Variants in TNKS observed in about 807,000 individuals in gnomAD.
The protein encoded by TNKS is poly [ADP-ribose] polymerase tankyrase-1.
In TNKS, 72 loss-of-function variants were observed where a neutral mutation model predicts 135.8. The observed-to-expected ratio is 0.53, with a 90% CI of 0.44 to 0.64. TNKS has a LOEUF of 0.64. TNKS is among the 30% of genes least tolerant of loss of function. The probability of loss-of-function intolerance (pLI) is 0.00; values close to 1 mark genes in which losing one functional copy is unlikely to be tolerated. For missense variants in TNKS, 1,769 were observed against 1,674.0 expected (o/e 1.06, Z -0.99); for synonymous variants, 849 against 649.3 (o/e 1.31, Z -4.68).
intron 12 of TNKS, among the ~76,000 whole-genome samples, chr8:9,723,100 T>G (rs1804977557): frequency 6.6e-6 from 1 of 151,392 alleles, no homozygotes; most frequent in Non-Finnish European, 1.5e-5. Context: ...TTTATTGATC[T>G]GGAAAGCTAA....
intron 3 of TNKS, among the ~76,000 whole-genome samples, chr8:9,678,136 C>G (rs377730435): frequency 6.6e-6 from 1 of 152,132 alleles, no homozygotes; most frequent in Non-Finnish European, 1.5e-5. Flanking sequence ...GTGTCTTTCG[C>G]GTTAAAATCT....
chr8:9,679,016 A>T (rs1332948826), intron 3 of TNKS, among the ~76,000 whole-genome samples: 1 of 152,286 alleles, frequency 6.6e-6, no homozygotes, highest in East Asian at 1.9e-4. Context: ...TTGTCCTTCA[A>T]TTGAGCTTGC....
chr8:9,726,620 TCTTTC>T lies in TNKS; in HGVS notation c.1922-17_1922-13del, dbSNP rs1335438430. Reference sequence around the variant, plus strand: ...TATGAGTTTGGATATATATATGAGTTCTTTCCTTCCTTTTATGCAGAGAGTACACC... The same window carrying T: ...TATGAGTTTGGATATATATATGAGTTCTTCCTTTTATGCAGAGAGTACACC... On this transcript the variant is annotated splice_polypyrimidine_tract_variant and intron_variant, in intron 12 of 26. Transcript: ENST00000310430. 1.3e-6 allele frequency: 2 copies of T among 1,578,324 alleles called. No individual in the cohort carries two copies. Among genetic ancestry groups the T allele is most frequent in the African/African-American group, 2.7e-5 (2 of 73,692 alleles).
At chr8:9,725,697 C>T (rs1402406326) in intron 12 of TNKS, among the ~76,000 whole-genome samples, 1 of 152,172 alleles carries the variant, frequency 6.6e-6, no homozygotes, top group African/African-American at 2.4e-5. Flanking sequence ...AAATGTAGGC[C>T]TCCTGGAGAT....
rs539067414 is a variant in TNKS, at chr8:9,573,513, T to C, written c.674-6646T>C. ...TTAGATGTATGTATGAAGAAACCTT[T>C]AGGCCTAACCTTAAATATGTAAGGA... On this transcript the variant is annotated intron_variant, in intron 1 of 26. Coordinates refer to ENST00000310430, the MANE Select transcript of TNKS (RefSeq NM_003747.3). 5.6e-4 allele frequency among the ~76,000 whole-genome samples: 85 copies of C among 152,304 alleles called. 1 individual carries two copies. The South Asian group carries it at 0.017, about 31-fold the overall frequency.
At chr8:9,628,319 C>G (rs1170719069) in intron 3 of TNKS, among the ~76,000 whole-genome samples, 3 of 152,168 alleles carry the variant, frequency 2.0e-5, no homozygotes, top group Non-Finnish European at 4.4e-5. Flanking sequence ...CTGTTTTCAT[C>G]CCTAACGACT....
At chr8:9,614,682 C>G (rs759763116) in intron 2 of TNKS, among the ~76,000 whole-genome samples, 3 of 152,166 alleles carry the variant, frequency 2.0e-5, no homozygotes, top group Non-Finnish European at 2.9e-5. Context: ...TTGAATTTTA[C>G]TTACTGGAAC....
At chr8:9,770,998 T>C (rs1168355521) in intron 26 of TNKS, among the ~76,000 whole-genome samples, 1 of 152,132 alleles carries the variant, frequency 6.6e-6, no homozygotes, top group African/African-American at 2.4e-5. Context: ...AGAAAGACTC[T>C]AAGGGTGGAC....
chr8:9,757,976 C>G (rs1410756485), intron 20 of TNKS, among the ~76,000 whole-genome samples: 1 of 152,146 alleles, frequency 6.6e-6, no homozygotes, highest in Non-Finnish European at 1.5e-5. Context: ...CTCACTGCGA[C>G]TAAATTTAAC....
chr8:9,710,723 C>T (rs926262989), intron 11 of TNKS, among the ~76,000 whole-genome samples: 3 of 152,054 alleles, frequency 2.0e-5, no homozygotes, highest in Admixed American at 1.3e-4. Flanking sequence ...GGTGAAACCC[C>T]GTCTCTACTA....
In TNKS at chr8:9,751,863, A is replaced by C. The variant is rs1235656065; in HGVS notation, c.3070+17A>C. The C allele has an allele frequency of 6.2e-7, 1 of 1,609,156 alleles. No individual in the cohort carries two copies. The highest frequency in any genetic ancestry group is 1.3e-5 in the African/African-American group (1 of 74,828). On this transcript the variant is annotated intron_variant, in intron 19 of 26. Coordinates refer to ENST00000310430, the MANE Select transcript of TNKS (RefSeq NM_003747.3). The stretch of plus-strand genomic sequence containing the variant: ...AAGGAGAAGGTGAGTAGACCCCATG[A>C]ATGCTTATTTATTTATACCTTTTGT...
At chr8:9,634,626 C>T (rs1168096936) in intron 3 of TNKS, among the ~76,000 whole-genome samples, 1 of 152,112 alleles carries the variant, frequency 6.6e-6, no homozygotes, top group Non-Finnish European at 1.5e-5. Flanking sequence ...AGGGGGAAGA[C>T]AGAGGAGAAA....
At chr8:9,655,123 G>A (rs971523686) in intron 3 of TNKS, among the ~76,000 whole-genome samples, 1 of 152,206 alleles carries the variant, frequency 6.6e-6, no homozygotes, top group African/African-American at 2.4e-5. Context: ...AGGATCCTAC[G>A]CCCATGGAGC....
Position 9,560,493 on chromosome 8 carries a change from C to CTTTTTTTTTTTTTTT in TNKS, c.673+3897_673+3911dup, listed in dbSNP as rs535715245. Among the ~76,000 whole-genome samples the CTTTTTTTTTTTTTTT allele has an allele frequency of 5.0e-4, 21 of 42,310 alleles. 6 individuals are homozygous for CTTTTTTTTTTTTTTT. Among genetic ancestry groups the CTTTTTTTTTTTTTTT allele is most frequent in the African/African-American group, 1.2e-3 (10 of 8,316 alleles). 27.8% of individuals were successfully genotyped at this position (42,310 alleles called of 152,430 possible). A position where few individuals can be genotyped will look rare whatever the true frequency, so the allele number is the denominator to read the frequency against. ...GATTTTTCAGCATGGCCATACTTGT[C>CTTTTTTTTTTTTTTT]TTTTTTTTTTTTTTTTTTTTTTTTT... On this transcript the variant is annotated intron_variant, in intron 1 of 26. Transcript: ENST00000310430.
chr8:9,736,350 T>TAAAAAAAAAAAA (rs1204895063), intron 17 of TNKS, among the ~76,000 whole-genome samples: 1 of 87,468 alleles, frequency 1.1e-5, no homozygotes, highest in African/African-American at 4.2e-5. Context: ...AGACCTCATC[T>TAAAAAAAAAAAA]AAAAAAAAAA....
intron 12 of TNKS, among the ~76,000 whole-genome samples, chr8:9,724,574 G>A (rs775270442): frequency 6.6e-6 from 1 of 151,636 alleles, no homozygotes; most frequent in Non-Finnish European, 1.5e-5. Flanking sequence ...TTTTAATTGT[G>A]CATCACTTTA....
At position 9,597,444 on chromosome 8, in the gene TNKS, T is replaced by TG. The variant is rs1199516825; in HGVS notation, c.898+17061_898+17062insG. 5.1e-3 allele frequency among the ~76,000 whole-genome samples: 779 copies of TG among 152,344 alleles called. 6 individuals are homozygous for TG. Among genetic ancestry groups the TG allele is most frequent in the African/African-American group, 0.018 (742 of 41,566 alleles). Reference sequence around the variant, plus strand: ...TTGTTACCATCAGCGTGAATTTGTGTTACATTCTTTGTTTAGTATCCTTTG... The same window carrying TG: ...TTGTTACCATCAGCGTGAATTTGTGTGTACATTCTTTGTTTAGTATCCTTTG... On this transcript the variant is annotated intron_variant, in intron 2 of 26. Coordinates refer to ENST00000310430, the MANE Select transcript of TNKS (RefSeq NM_003747.3).
intron 3 of TNKS, among the ~76,000 whole-genome samples, chr8:9,676,385 C>T (rs1458159599): frequency 6.6e-6 from 1 of 152,060 alleles, no homozygotes; most frequent in African/African-American, 2.4e-5. Flanking sequence ...CATGCTATTC[C>T]ATCTCAACAA....
chr8:9,623,482 G>A (rs978425712), intron 3 of TNKS, among the ~76,000 whole-genome samples: 2 of 146,648 alleles, frequency 1.4e-5, no homozygotes, highest in African/African-American at 5.1e-5. Flanking sequence ...AGTTGTGTTC[G>A]TACTATATAG....
Sources: gnomAD v4.1 joint callset for allele counts (sites outside exome capture counted in the v4.1 genomes callset) on GRCh38, gnomAD v4.1.1 for gene constraint, MANE v1.5 for transcripts, NCBI Gene and HGNC (gene_info 2026-07-23, HGNC 2026-07-21) for gene names.